The following SLC4A10 variants were observed in gnomAD, a reference collection of about 807,000 sequenced individuals.
The protein encoded by SLC4A10 is sodium-driven chloride bicarbonate exchanger.
SLC4A10 carries 42 observed loss-of-function variants against 137.7 expected under a neutral mutation model. The ratio of observed to expected loss-of-function variants is 0.30; its 90% CI spans 0.24 to 0.39. The LOEUF is 0.39. Ranked by LOEUF, SLC4A10 falls within the 10% of genes least tolerant of loss-of-function variation. SLC4A10 has a pLI of 1.00. For synonymous variants in SLC4A10, 474 were observed against 464.1 expected (o/e 1.02, Z -0.27); for missense variants, 925 against 1,355.0 (o/e 0.68, Z 4.98).
chr2:161,901,720 G>T (rs1683155007), intron 12 of SLC4A10, among the ~76,000 whole-genome samples: 1 of 151,998 alleles, frequency 6.6e-6, no homozygotes, highest in Admixed American at 6.6e-5. Flanking sequence ...CCTCTAAGCT[G>T]ACTTTCCAGT....
chr2:161,965,285 A>G, intron 23 of SLC4A10, 112 bp downstream of exon 23: 1 of 1,080,954 alleles, frequency 9.3e-7, no homozygotes, highest in Admixed American at 2.7e-5. Flanking sequence ...TTAGACAGTG[A>G]TCACTAACAA....
At chr2:161,758,007 C>A (rs957414067) in intron 1 of SLC4A10, among the ~76,000 whole-genome samples, 5 of 151,640 alleles carry the variant, frequency 3.3e-5, no homozygotes, top group African/African-American at 1.2e-4. Context: ...ATTTTCTATT[C>A]CCTCATGTCT....
At chr2:161,699,545 A>T (rs1221162746) in intron 1 of SLC4A10, among the ~76,000 whole-genome samples, 7 of 152,186 alleles carry the variant, frequency 4.6e-5, no homozygotes, top group Admixed American at 3.9e-4. Context: ...CAGTGTATTT[A>T]TTAGGTGTGA....
chr2:161,688,416 A>G (rs1236225233), intron 1 of SLC4A10, among the ~76,000 whole-genome samples: 1 of 152,138 alleles, frequency 6.6e-6, no homozygotes, highest in African/African-American at 2.4e-5. Context: ...AAAGTTATTG[A>G]CCCAAATGGA....
At chr2:161,935,967 T>C (rs189016324) in intron 15 of SLC4A10, among the ~76,000 whole-genome samples, 8 of 152,178 alleles carry the variant, frequency 5.3e-5, no homozygotes, top group South Asian at 4.2e-4. Flanking sequence ...TCCTTCTATG[T>C]TTAATTTCTG....
intron 3 of SLC4A10, among the ~76,000 whole-genome samples, chr2:161,805,379 G>T (rs1415328659): frequency 6.6e-6 from 1 of 152,012 alleles, no homozygotes; most frequent in East Asian, 1.9e-4. Flanking sequence ...AAAACCAATC[G>T]TGCCTTCCCA....
chr2:161,779,079 T>G (rs1330129245), intron 2 of SLC4A10, among the ~76,000 whole-genome samples: 1 of 151,966 alleles, frequency 6.6e-6, no homozygotes, highest in African/African-American at 2.4e-5. Context: ...TGAGGGCTTT[T>G]GTGCATCATC....
At position 161,726,191 on chromosome 2, in the gene SLC4A10, G is replaced by T. The variant is rs534212307; in HGVS notation, c.49-44782G>T. On this transcript the variant is annotated intron_variant, in intron 1 of 26. Transcript: ENST00000446997. ...GTTGTTTACTGTGAAGTGGAGATTA[G>T]AAAAATAACAATTACAATGAATAAT... 3.9e-3 allele frequency among the ~76,000 whole-genome samples: 586 copies of T among 152,152 alleles called. 4 individuals are homozygous for T. Among genetic ancestry groups the T allele is most frequent in the Middle Eastern group, 0.014 (4 of 294 alleles).
At chr2:161,896,237 T>C (rs1351879046) in intron 11 of SLC4A10, among the ~76,000 whole-genome samples, 3 of 151,914 alleles carry the variant, frequency 2.0e-5, no homozygotes, top group African/African-American at 7.3e-5. Context: ...TATGCAGCGT[T>C]ATTTCTGAGG....
Position 161,957,070 on chromosome 2 carries a change from G to A in SLC4A10, c.2623G>A (p.Val875Met). 6.2e-7 allele frequency: 1 copy of A among 1,612,494 alleles called. No individual in the cohort carries two copies. Among genetic ancestry groups the A allele is most frequent in the Non-Finnish European group, 8.5e-7 (1 of 1,179,548 alleles). The change falls in exon 20 of 27, where the codon GTG becomes ATG. Residue 875 changes from valine (V) to methionine (M), a missense_variant. Val to Met is a conservative substitution (Grantham distance 21). This residue lies in a region of SLC4A10 where 115 missense variants were observed against 237.5 expected (regional missense o/e 0.48). Coordinates refer to ENST00000446997, the MANE Select transcript of SLC4A10 (RefSeq NM_001178015.2). ...CTCCATCATGGGCCTGCCATGGTTT[G>A]TGGCTGCCACAGTCCTCTCCATCAC... ...VCSIMGLPWFVAATVLSITHV... is the reference protein window; with the variant it reads ...VCSIMGLPWFMAATVLSITHV...
chr2:161,806,648 T>C (rs573074979), intron 3 of SLC4A10, among the ~76,000 whole-genome samples: 10 of 152,124 alleles, frequency 6.6e-5, no homozygotes, highest in African/African-American at 1.2e-4. Flanking sequence ...TTTGCTCCAG[T>C]TCCCAACACG....
intron 3 of SLC4A10, among the ~76,000 whole-genome samples, chr2:161,824,687 C>T (rs2057895220): frequency 6.6e-6 from 1 of 152,130 alleles, no homozygotes; most frequent in South Asian, 2.1e-4. Context: ...AGAAGAGTTA[C>T]AATTATTCAA....
intron 1 of SLC4A10, among the ~76,000 whole-genome samples, chr2:161,768,305 C>A (rs1048082398): frequency 6.6e-6 from 1 of 151,990 alleles, no homozygotes; most frequent in Admixed American, 6.6e-5. Context: ...GGCTGCTGAG[C>A]CTGAGTGACA....
chr2:161,963,939 G>A (rs1310982054), intron 21 of SLC4A10, among the ~76,000 whole-genome samples, 196 bp from the exon 22 acceptor site: 1 of 152,028 alleles, frequency 6.6e-6, no homozygotes, highest in Non-Finnish European at 1.5e-5. Flanking sequence ...AGAAAATGTG[G>A]GCTATTGTTT....
intron 1 of SLC4A10, among the ~76,000 whole-genome samples, chr2:161,727,838 T>G (rs1055530986): frequency 1.6e-4 from 24 of 152,154 alleles, no homozygotes; most frequent in Admixed American, 9.2e-4. Context: ...CAACAAATTT[T>G]AAAATATTAT....
intron 15 of SLC4A10, chr2:161,931,088 G>C (rs1202055658): frequency 6.6e-6 from 1 of 152,122 alleles, no homozygotes; most frequent in African/African-American, 2.4e-5. Context: ...GCACCACCAC[G>C]CCTGGCTAAT....
intron 2 of SLC4A10, among the ~76,000 whole-genome samples, chr2:161,775,421 T>C (rs1236880068): frequency 6.6e-6 from 1 of 151,898 alleles, no homozygotes; most frequent in Non-Finnish European, 1.5e-5. Flanking sequence ...CCTTCTATCA[T>C]AATAGAGTCC....
intron 1 of SLC4A10, among the ~76,000 whole-genome samples, chr2:161,733,587 C>T (rs2047028464): frequency 6.6e-6 from 1 of 152,220 alleles, no homozygotes; most frequent in Admixed American, 6.5e-5. Flanking sequence ...GGTTGGAGCC[C>T]CCACCCAAGT....
At chr2:161,638,231 T>A (rs1208752484) in intron 1 of SLC4A10, among the ~76,000 whole-genome samples, 1 of 152,134 alleles carries the variant, frequency 6.6e-6, no homozygotes, top group Non-Finnish European at 1.5e-5. Flanking sequence ...GCATTTCCTC[T>A]ACATGTTTTC....
Sources: gnomAD v4.1 joint callset for allele counts (sites outside exome capture counted in the v4.1 genomes callset) on GRCh38, gnomAD v4.1.1 for gene constraint, gnomAD v4.1.1 regional missense constraint, MANE v1.5 for transcripts, NCBI Gene and HGNC (gene_info 2026-07-23, HGNC 2026-07-21) for gene names.